The following RIMS2 variants were observed in gnomAD, a reference collection of about 807,000 sequenced individuals.
The protein encoded by RIMS2 is regulating synaptic membrane exocytosis 2.
RIMS2 carries 59 observed loss-of-function variants against 174.4 expected under a neutral mutation model. The observed-to-expected ratio is 0.34, with a 90% CI of 0.27 to 0.42. The LOEUF (loss-of-function observed/expected upper bound fraction) is 0.42. RIMS2 is among the 10% of genes least tolerant of loss of function. The pLI, the probability that RIMS2 is intolerant of heterozygous loss-of-function variation, is 1.00. For missense variants in RIMS2, 1,620 were observed against 1,666.3 expected, an observed-to-expected ratio of 0.97 and a Z score of 0.48; for synonymous variants, 606 against 572.5, an observed-to-expected ratio of 1.06 and a Z score of -0.84.
At chr8:103,503,274 A>G (rs920826533) in intron 1 of RIMS2, among the ~76,000 whole-genome samples, 1 of 151,286 alleles carries the variant, frequency 6.6e-6, no homozygotes, top group African/African-American at 2.5e-5. Context: ...ATATTTGGAC[A>G]TTTGGTTTTA....
intron 1 of RIMS2, among the ~76,000 whole-genome samples, chr8:103,580,627 A>G (rs183050937): frequency 5.9e-5 from 9 of 152,246 alleles, no homozygotes; most frequent in African/African-American, 2.2e-4. Flanking sequence ...CATGCAATCT[A>G]AGAAGATTTA....
exon 24 of RIMS2, chr8:104,251,827 TA>T: frequency 3.8e-6 from 5 of 1,323,614 alleles, no homozygotes; most frequent in Non-Finnish European, 4.0e-6. Context: ...ATAGCAGCTG[TA>T]AAAAAATTGT....
Position 103,727,027 on chromosome 8 carries a change from G to A in RIMS2, c.387+29731G>A, listed in dbSNP as rs142824555. Among the ~76,000 whole-genome samples, 1,178 of 151,438 alleles carry A rather than the reference G, an allele frequency of 7.8e-3. 10 individuals carry two copies. Among genetic ancestry groups the A allele is most frequent in the Non-Finnish European group, 0.013 (856 of 67,830 alleles). On this transcript the variant is annotated intron_variant, in intron 2 of 23. Coordinates refer to ENST00000504942, the Ensembl canonical transcript of RIMS2. ...GCTGGGATTACAGGTGTGAGCCACC[G>A]CACCCAGCCAATTTTATGTATTTCT...
At chr8:104,191,913 A>G (rs560549389) in intron 19 of RIMS2, among the ~76,000 whole-genome samples, 2 of 152,260 alleles carry the variant, frequency 1.3e-5, no homozygotes, top group South Asian at 2.1e-4. Context: ...TCACAAAATT[A>G]TATTTAAGTA....
intron 1 of RIMS2, among the ~76,000 whole-genome samples, chr8:103,619,612 A>G (rs879833716): frequency 6.6e-6 from 1 of 152,144 alleles, no homozygotes; most frequent in Non-Finnish European, 1.5e-5. Flanking sequence ...ATAAATCAGA[A>G]CTACAAAAAG....
chr8:104,172,777 CTAAG>C (rs1176735511), intron 19 of RIMS2, among the ~76,000 whole-genome samples: 3 of 152,176 alleles, frequency 2.0e-5, no homozygotes, highest in Non-Finnish European at 4.4e-5. Context: ...GAGGATATGA[CTAAG>C]TGTGGAAATA....
At chr8:104,224,586 C>T (rs894186718) in intron 19 of RIMS2, among the ~76,000 whole-genome samples, 3 of 152,140 alleles carry the variant, frequency 2.0e-5, no homozygotes, top group Non-Finnish European at 4.4e-5. Context: ...TAGTTGCAAA[C>T]TGTGTTCATT....
intron 19 of RIMS2, among the ~76,000 whole-genome samples, chr8:104,061,366 C>T (rs1042735523): frequency 6.6e-6 from 1 of 151,974 alleles, no homozygotes; most frequent in African/African-American, 2.4e-5. Context: ...GGTTTAAAGT[C>T]TGTTTTATAG....
rs562432876 is a variant in RIMS2 at position 103,614,963 on chromosome 8, G to A, written c.177-82123G>A. Among the ~76,000 whole-genome samples the A allele has an allele frequency of 6.6e-5, 10 of 152,172 alleles. No homozygotes were observed. In the East Asian group the frequency reaches 1.7e-3, roughly 26 times the overall value. ...CTTTACAGTTGAATTGGCATTTATT[G>A]GAGAAATTTCTATCTCATTACATTT... On this transcript the variant is annotated intron_variant, in intron 1 of 23. Coordinates refer to ENST00000504942, the Ensembl canonical transcript of RIMS2.
chr8:103,747,432 A>C (rs2097836142), intron 2 of RIMS2, among the ~76,000 whole-genome samples: 1 of 128,760 alleles, frequency 7.8e-6, no homozygotes. Context: ...CGTTTTGACC[A>C]AAAAAAAAAT....
chr8:104,195,702 A>G (rs531900475), intron 19 of RIMS2, among the ~76,000 whole-genome samples: 1 of 151,928 alleles, frequency 6.6e-6, no homozygotes. Context: ...TTTAGTAGAG[A>G]TGGGGATTCA....
chr8:104,100,480 A>G (rs2097850514), intron 19 of RIMS2, among the ~76,000 whole-genome samples: 1 of 151,916 alleles, frequency 6.6e-6, no homozygotes, highest in African/African-American at 2.4e-5. Flanking sequence ...TGGTTAACTT[A>G]TGGCTAGAAC....
intron 3 of RIMS2, among the ~76,000 whole-genome samples, chr8:103,826,531 T>C (rs1409549828): frequency 1.3e-5 from 2 of 151,964 alleles, no homozygotes; most frequent in Non-Finnish European, 2.9e-5. Flanking sequence ...TTGTAGAAAA[T>C]TGAATAGTTG....
At chr8:103,768,301 C>G in intron 3 of RIMS2, 1 of 627,096 alleles carries the variant, frequency 1.6e-6, no homozygotes, top group Non-Finnish European at 2.9e-6. Context: ...ACATCTCTTT[C>G]CCAGCCACTG....
At chr8:103,785,495 G>C (rs1449680340) in intron 3 of RIMS2, among the ~76,000 whole-genome samples, 1 of 151,994 alleles carries the variant, frequency 6.6e-6, no homozygotes, top group East Asian at 1.9e-4. Context: ...GTTGAATTTT[G>C]TCAAAGGCTT....
intron 2 of RIMS2, among the ~76,000 whole-genome samples, chr8:103,742,861 T>C (rs377511827): frequency 1.3e-5 from 2 of 152,280 alleles, no homozygotes; most frequent in African/African-American, 4.8e-5. Context: ...GGATTATATA[T>C]CTGAGGACAT....
At chr8:103,563,759 A>G (rs2091960001) in intron 1 of RIMS2, among the ~76,000 whole-genome samples, 1 of 152,210 alleles carries the variant, frequency 6.6e-6, no homozygotes, top group South Asian at 2.1e-4. Context: ...AATATACAAA[A>G]GAAAGAGGTT....
chr8:103,877,316 T>C (rs2099146186), intron 3 of RIMS2, among the ~76,000 whole-genome samples: 1 of 152,052 alleles, frequency 6.6e-6, no homozygotes, highest in Admixed American at 6.6e-5. Context: ...TGAGTATTTT[T>C]TCATATGTCT....
chr8:104,191,739 T>C (rs1216007730), intron 19 of RIMS2, among the ~76,000 whole-genome samples: 1 of 151,924 alleles, frequency 6.6e-6, no homozygotes, highest in East Asian at 1.9e-4. Context: ...CTGATCAGCG[T>C]AGCCCCAGAG....
Sources: gnomAD v4.1 joint callset for allele counts (sites outside exome capture counted in the v4.1 genomes callset) on GRCh38, gnomAD v4.1.1 for gene constraint, MANE v1.5 for transcripts, NCBI Gene and HGNC (gene_info 2026-07-23, HGNC 2026-07-21) for gene names.